The following MED27 variants were observed in gnomAD, a reference collection of about 807,000 sequenced individuals.
MED27 encodes the protein mediator of RNA polymerase II transcription subunit 27.
MED27 carries 30 observed loss-of-function variants against 38.2 expected under a neutral mutation model. The observed-to-expected ratio is 0.79, with a 90% CI of 0.59 to 1.07. The LOEUF is 1.07. Among genes scored for constraint, MED27 ranks in the 50% least tolerant of loss-of-function variants. The probability of loss-of-function intolerance (pLI) is 0.00; values close to 1 mark genes in which losing one functional copy is unlikely to be tolerated. For missense variants in MED27, 289 were observed against 397.5 expected, an observed-to-expected ratio of 0.73 and a Z score of 2.32; for synonymous variants, 122 against 153.5, an observed-to-expected ratio of 0.79 and a Z score of 1.52.
At chr9:132,079,512 G>A (rs1834126867) in intron 1 of MED27, 130 bp downstream of exon 1, 10 of 831,602 alleles carry the variant, frequency 1.2e-5, no homozygotes, top group Admixed American at 2.5e-5. Flanking sequence ...GAGGCTTGGA[G>A]AACAAGAAGA....
At chr9:132,018,934 A>C (rs1349791908) in intron 2 of MED27, among the ~76,000 whole-genome samples, 1 of 152,148 alleles carries the variant, frequency 6.6e-6, no homozygotes, top group African/African-American at 2.4e-5. Context: ...ATCACTTTGC[A>C]TATAATTACA....
chr9:131,899,886 A>G (rs935712875), intron 4 of MED27, among the ~76,000 whole-genome samples: 11 of 152,240 alleles, frequency 7.2e-5, no homozygotes, highest in Non-Finnish European at 1.2e-4. Flanking sequence ...ATAGAGGCCA[A>G]TGGGCATCTT....
intron 3 of MED27, among the ~76,000 whole-genome samples, chr9:131,999,798 T>G (rs182532468): frequency 1.0e-3 from 152 of 152,258 alleles, no homozygotes; most frequent in Non-Finnish European, 1.8e-3. Context: ...GCCCCACAGC[T>G]ATCACATCTG....
At chr9:132,012,534 C>T (rs989624098) in intron 3 of MED27, among the ~76,000 whole-genome samples, 8 of 152,102 alleles carry the variant, frequency 5.3e-5, no homozygotes, top group African/African-American at 1.7e-4. Context: ...GGCATAAGAA[C>T]GTCCACCAGC....
intron 2 of MED27, among the ~76,000 whole-genome samples, chr9:132,074,879 C>T (rs1250537405): frequency 6.6e-6 from 1 of 152,258 alleles, no homozygotes; most frequent in Admixed American, 6.5e-5. Context: ...TTTTCCTTGC[C>T]GCCCTCCTCT....
intron 4 of MED27, among the ~76,000 whole-genome samples, chr9:131,908,959 C>G (rs1830138903): frequency 6.6e-6 from 1 of 152,076 alleles, no homozygotes; most frequent in South Asian, 2.1e-4. Context: ...TTATTTTACC[C>G]AGCCCCTATT....
chr9:131,909,918 G>A (rs1310974537), intron 4 of MED27, among the ~76,000 whole-genome samples: 5 of 152,202 alleles, frequency 3.3e-5, no homozygotes, highest in Non-Finnish European at 7.3e-5. Flanking sequence ...AACATAAGAT[G>A]TACTGAAAAC....
intron 3 of MED27, among the ~76,000 whole-genome samples, chr9:131,953,951 AG>A (rs1392986764): frequency 1.3e-5 from 2 of 151,008 alleles, no homozygotes; most frequent in African/African-American, 4.9e-5. Context: ...CTGGGTAGTT[AG>A]GATTACAGGC....
intron 6 of MED27, 104 bp from the exon 7 acceptor site, chr9:131,863,244 C>CAG (rs1385252042): frequency 1.1e-6 from 1 of 886,696 alleles, no homozygotes; most frequent in Non-Finnish European, 1.8e-6. Flanking sequence ...ATCTGAGTAT[C>CAG]TCGTGGAGGA....
At chr9:132,053,461 A>T (rs1833509152) in intron 2 of MED27, among the ~76,000 whole-genome samples, 1 of 152,052 alleles carries the variant, frequency 6.6e-6, no homozygotes, top group Non-Finnish European at 1.5e-5. Flanking sequence ...CAAAAAAAAA[A>T]GGAAAAGGAA....
chr9:131,900,510 A>G (rs940675695), intron 4 of MED27, among the ~76,000 whole-genome samples: 2 of 152,206 alleles, frequency 1.3e-5, no homozygotes, highest in African/African-American at 4.8e-5. Flanking sequence ...AGGTGAGAGG[A>G]GCTGGTCACT....
At chr9:131,909,732 T>C (rs184769659) in intron 4 of MED27, among the ~76,000 whole-genome samples, 160 of 152,308 alleles carry the variant, frequency 1.1e-3, no homozygotes, top group African/African-American at 3.5e-3. Flanking sequence ...AGTGGAACAG[T>C]TGCAAGTTAG....
At chr9:131,989,781 TA>T (rs775945545) in intron 3 of MED27, among the ~76,000 whole-genome samples, 553 of 139,934 alleles carry the variant, frequency 4.0e-3, no homozygotes, top group Middle Eastern at 0.011. Flanking sequence ...TAAACATACT[TA>T]AAAAAAAAAA....
intron 2 of MED27, among the ~76,000 whole-genome samples, chr9:132,076,395 A>C (rs1380670642): frequency 6.6e-6 from 1 of 152,134 alleles, no homozygotes; most frequent in Non-Finnish European, 1.5e-5. Context: ...CCCATGATAA[A>C]TCACCTTCCT....
intron 4 of MED27, among the ~76,000 whole-genome samples, chr9:131,906,213 A>T (rs1049639347): frequency 7.9e-5 from 12 of 152,202 alleles, no homozygotes; most frequent in African/African-American, 2.9e-4. Context: ...GGAATACAAC[A>T]ACTTGTGCTC....
At chr9:132,035,681 G>T (rs1833058599) in intron 2 of MED27, among the ~76,000 whole-genome samples, 2 of 152,188 alleles carry the variant, frequency 1.3e-5, no homozygotes, top group African/African-American at 4.8e-5. Flanking sequence ...TCCAAGGCCT[G>T]GTCAGCCATG....
chr9:131,939,467 CA>C lies in MED27; in HGVS notation c.486del (p.Asp163MetfsTer3). 6.2e-7 allele frequency: 1 copy of C among 1,604,456 alleles called. No individual in the cohort carries two copies. Among genetic ancestry groups the C allele is most frequent in the Non-Finnish European group, 8.5e-7 (1 of 1,175,478 alleles). On this transcript the variant is annotated frameshift_variant, in exon 4 of 8. Coordinates refer to ENST00000292035, the MANE Select transcript of MED27 (RefSeq NM_004269.4). LOFTEE classifies it high-confidence loss of function. Reference sequence around the variant, plus strand: ...CTGTCAATGCGGCTGATCACATCATCAACATATCTACATGGGAAAAAAATAA... The same window carrying C: ...CTGTCAATGCGGCTGATCACATCATCACATATCTACATGGGAAAAAAATAA... ...PTTLVLPPQY[V>X]DDVISRIDRM...
At chr9:131,884,982 T>C (rs1274250277) in intron 5 of MED27, among the ~76,000 whole-genome samples, 6 of 152,246 alleles carry the variant, frequency 3.9e-5, no homozygotes, top group Non-Finnish European at 8.8e-5. Flanking sequence ...CTTTGTTTAC[T>C]TGTTTCCTGC....
At chr9:131,923,922 T>C (rs1830438693) in intron 4 of MED27, among the ~76,000 whole-genome samples, 2 of 152,248 alleles carry the variant, frequency 1.3e-5, no homozygotes, top group African/African-American at 4.8e-5. Context: ...TGGCAATCAC[T>C]GCATGTGAGT....
Sources: allele counts gnomAD v4.1 joint callset (sites outside exome capture counted in the v4.1 genomes callset), GRCh38; gene constraint gnomAD v4.1.1; transcripts MANE v1.5; gene names NCBI Gene and HGNC (gene_info 2026-07-23, HGNC 2026-07-21).